DLGAP1: variants seen among roughly 807,000 people sequenced by gnomAD.
DLGAP1 encodes disks large-associated protein 1.
A neutral mutation model predicts 90.8 loss-of-function variants in DLGAP1; 11 were observed. The ratio of observed to expected loss-of-function variants is 0.12; its 90% confidence interval spans 0.08 to 0.20. The LOEUF (loss-of-function observed/expected upper bound fraction) is 0.20. Among genes scored for constraint, DLGAP1 ranks in the 10% least tolerant of loss-of-function variants. The pLI is 1.00. For synonymous variants in DLGAP1, 558 were observed against 540.7 expected (o/e 1.03, Z -0.44); for missense variants, 1,050 against 1,333.8 (o/e 0.79, Z 3.31).
intron 2 of DLGAP1, chr18:4,013,848 A>C (rs1253759801): frequency 6.6e-6 from 1 of 152,204 alleles, no homozygotes; most frequent in Non-Finnish European, 1.5e-5. Flanking sequence ...GAATTCCACC[A>C]AAAAACCATT....
At chr18:3,622,247 G>A (rs1296011872) in intron 7 of DLGAP1, among the ~76,000 whole-genome samples, 1 of 151,990 alleles carries the variant, frequency 6.6e-6, no homozygotes, top group Non-Finnish European at 1.5e-5. Flanking sequence ...TGGGACTACA[G>A]GCGCCCACCA....
intron 1 of DLGAP1, among the ~76,000 whole-genome samples, chr18:4,219,996 G>GT (rs569094213): frequency 1.1e-3 from 170 of 152,112 alleles, no homozygotes; most frequent in Non-Finnish European, 2.1e-3. Flanking sequence ...TTTTAGGACT[G>GT]TTTTTTCTGT....
intron 9 of DLGAP1, among the ~76,000 whole-genome samples, chr18:3,535,499 G>C (rs1414749465): frequency 6.6e-6 from 1 of 151,676 alleles, no homozygotes; most frequent in South Asian, 2.1e-4. Context: ...CAAGGTCAGG[G>C]GATCGAGACC....
intron 2 of DLGAP1, among the ~76,000 whole-genome samples, chr18:4,066,507 G>C (rs58198807): frequency 6.6e-6 from 1 of 151,792 alleles, no homozygotes; most frequent in Non-Finnish European, 1.5e-5. Context: ...TTAAAAAGTG[G>C]GCAAAAGACA....
At chr18:3,670,955 C>G (rs148011900) in intron 7 of DLGAP1, among the ~76,000 whole-genome samples, 47 of 152,328 alleles carry the variant, frequency 3.1e-4, no homozygotes, top group African/African-American at 1.1e-3. Context: ...GCTTAATAAT[C>G]TCCCACTGCT....
intron 1 of DLGAP1, among the ~76,000 whole-genome samples, chr18:4,448,087 A>G (rs913774804): frequency 6.6e-6 from 1 of 152,122 alleles, no homozygotes; most frequent in African/African-American, 2.4e-5. Context: ...TGTTTTCTCT[A>G]TCTGAAAGTC....
At chr18:4,121,316 G>A (rs1285584224) in intron 2 of DLGAP1, among the ~76,000 whole-genome samples, 8 of 152,130 alleles carry the variant, frequency 5.3e-5, no homozygotes, top group African/African-American at 1.9e-4. Context: ...AAGTCAGGAT[G>A]GGCAAGAGGA....
intron 5 of DLGAP1, among the ~76,000 whole-genome samples, chr18:3,791,324 T>A (rs9945106): frequency 6.6e-6 from 1 of 151,986 alleles, no homozygotes; most frequent in East Asian, 1.9e-4. Flanking sequence ...TCAGCGCAGA[T>A]GGGAAGGCTG....
chr18:3,516,813 A>G (rs932001759), intron 10 of DLGAP1, among the ~76,000 whole-genome samples: 3 of 152,178 alleles, frequency 2.0e-5, no homozygotes, highest in Non-Finnish European at 4.4e-5. Context: ...CCATGATTTA[A>G]TCATCTCCCA....
At position 3,517,244 on chromosome 18, in the gene DLGAP1, T is replaced by C. The variant is rs537046585; in HGVS notation, c.2480-8583A>G. ...GGTGCCTGAGCCCCTAACAAGAGAG[T>C]GAGCCTGTCCTTTGAAGCTATGAAA... On this transcript the variant is annotated intron_variant, in intron 10 of 12. Transcript: ENST00000315677. This position sits in a 1 kb window ranked among gnomAD's most constrained non-coding sequence, Gnocchi z 4.1. Among the ~76,000 whole-genome samples the C allele has an allele frequency of 1.6e-3, 236 of 152,252 alleles. 1 individual carries two copies. Among genetic ancestry groups the C allele is most frequent in the African/African-American group, 5.3e-3 (219 of 41,542 alleles).
intron 4 of DLGAP1, among the ~76,000 whole-genome samples, chr18:3,847,984 C>A (rs2069110704): frequency 1.3e-5 from 2 of 151,558 alleles, no homozygotes; most frequent in African/African-American, 4.8e-5. Context: ...AAAAAATTAA[C>A]CAGGTAAAAT....
chr18:4,307,164 T>C (rs143525605), intron 1 of DLGAP1, among the ~76,000 whole-genome samples: 1 of 152,324 alleles, frequency 6.6e-6, no homozygotes, highest in African/African-American at 2.4e-5. Flanking sequence ...GAGGGCACTG[T>C]GTGTATCCAG....
chr18:3,749,871 G>T (rs1288747420), intron 5 of DLGAP1, among the ~76,000 whole-genome samples: 1 of 152,078 alleles, frequency 6.6e-6, no homozygotes, highest in Non-Finnish European at 1.5e-5. Context: ...AATTTATCCT[G>T]TCTCTTTTTC....
At chr18:3,575,701 A>T (rs1568225994) in intron 8 of DLGAP1, among the ~76,000 whole-genome samples, 1 of 152,170 alleles carries the variant, frequency 6.6e-6, no homozygotes, top group African/African-American at 2.4e-5. Flanking sequence ...AAACAAAAAA[A>T]ATTTATCCTA....
chr18:4,337,814 T>A (rs1568522630), intron 1 of DLGAP1, among the ~76,000 whole-genome samples: 1 of 152,204 alleles, frequency 6.6e-6, no homozygotes, highest in Non-Finnish European at 1.5e-5. Flanking sequence ...TTTTAGTTTT[T>A]TTATTTCATA....
At chr18:3,908,585 T>C (rs1322467449) in intron 3 of DLGAP1, among the ~76,000 whole-genome samples, 3 of 152,318 alleles carry the variant, frequency 2.0e-5, no homozygotes, top group South Asian at 2.1e-4. Flanking sequence ...TAGGAGGCCA[T>C]GTGTGTTTTT....
chr18:3,739,290 G>T (rs1349944257), intron 6 of DLGAP1, among the ~76,000 whole-genome samples: 1 of 150,814 alleles, frequency 6.6e-6, no homozygotes, highest in Non-Finnish European at 1.5e-5. Context: ...ATACCCAAAG[G>T]ACTATAAATC....
chr18:3,796,253 T>C (rs1385194783), intron 5 of DLGAP1, among the ~76,000 whole-genome samples: 1 of 152,176 alleles, frequency 6.6e-6, no homozygotes, highest in Admixed American at 6.5e-5. Context: ...AGTGAAGATT[T>C]GGAGGGAACA....
rs1026593336 is a variant in DLGAP1 at position 4,083,591 on chromosome 18, T to C, written c.-159+67589A>G. ...ACCAAGAATTTGGACAGAAATATAA[T>C]GAAGCATTAATCATGCTGTACTTTG... On this transcript the variant is annotated intron_variant, in intron 2 of 12. Coordinates refer to ENST00000315677, the MANE Select transcript of DLGAP1 (RefSeq NM_004746.4). 2.6e-5 allele frequency among the ~76,000 whole-genome samples: 4 copies of C among 152,232 alleles called. No homozygotes were observed. The East Asian group carries it at 5.8e-4, about 22-fold the overall frequency.
Sources: gnomAD v4.1 joint callset for allele counts (sites outside exome capture counted in the v4.1 genomes callset) on GRCh38, gnomAD v4.1.1 for gene constraint, Gnocchi (gnomAD v3.1) non-coding constraint, MANE v1.5 for transcripts, NCBI Gene and HGNC (gene_info 2026-07-23, HGNC 2026-07-21) for gene names.